The following HMCN2 variants were observed in gnomAD, a reference collection of about 807,000 sequenced individuals.
The protein encoded by HMCN2 is hemicentin-2.
In HMCN2, 325 loss-of-function variants were observed where a neutral mutation model predicts 377.5. That is an observed-to-expected ratio of 0.86 (90% CI 0.79 to 0.94). The LOEUF (loss-of-function observed/expected upper bound fraction) is 0.94, where lower values mean the gene tolerates loss of function less well. Among genes scored for constraint, HMCN2 ranks in the 40% least tolerant of loss-of-function variants. The pLI, the probability that HMCN2 is intolerant of heterozygous loss-of-function variation, is 0.00. For synonymous variants in HMCN2, 2,007 were observed against 2,046.8 expected (o/e 0.98, Z 0.53); for missense variants, 4,543 against 4,725.3 (o/e 0.96, Z 1.13).
In HMCN2 at chr9:130,425,892, TG is replaced by T. The variant is rs1417124194; in HGVS notation, c.13848del (p.Arg4617AlafsTer91). ...SSAFDPEAEA[L>X]RFQLATALQA... The stretch of plus-strand genomic sequence containing the variant: ...GCCTTTGATCCAGAGGCCGAGGCCC[TG>T]CGCTTCCAGCTCGCTACAGCCCTGC... On this transcript the variant is annotated frameshift_variant, in exon 90 of 98. Coordinates refer to ENST00000683500, the MANE Select transcript of HMCN2 (RefSeq NM_001291815.2). LOFTEE classifies it high-confidence loss of function. 8 of 1,549,478 alleles carry T rather than the reference TG, an allele frequency of 5.2e-6. No individual in the cohort carries two copies. In the Admixed American group the frequency reaches 1.6e-4, roughly 30 times the overall value.
rs538554042 is a variant in HMCN2, at chr9:130,421,181, C to T, written c.13232-1396C>T. ...GAAGACATCCAATTATGATACACATCGGTCCACAGCTTTTTGATTGGCTTC... is the reference window on the plus strand; with the variant it reads ...GAAGACATCCAATTATGATACACATTGGTCCACAGCTTTTTGATTGGCTTC... On this transcript the variant is annotated intron_variant, in intron 86 of 97. Coordinates refer to ENST00000683500, the MANE Select transcript of HMCN2 (RefSeq NM_001291815.2). 1.3e-4 allele frequency among the ~76,000 whole-genome samples: 20 copies of T among 152,304 alleles called. No individual in the cohort carries two copies. The East Asian group carries it at 1.4e-3, about 10-fold the overall frequency.
chr9:130,426,514 A>G (rs578152357), intron 90 of HMCN2, among the ~76,000 whole-genome samples: 6 of 152,190 alleles, frequency 3.9e-5, no homozygotes, highest in Non-Finnish European at 8.8e-5. Flanking sequence ...TCGGAGCTTC[A>G]GTGTTCCCAT....
intron 82 of HMCN2, 43 bp from the exon 83 acceptor site, chr9:130,407,527 AG>A: frequency 1.6e-6 from 2 of 1,282,876 alleles, no homozygotes; most frequent in Non-Finnish European, 2.0e-6. Context: ...GGAAGTGTTT[AG>A]GGCAGGAGTT....
In HMCN2 at chr9:130,376,643, G is replaced by A; in HGVS notation, c.8046G>A (p.Trp2682Ter). 1 of 985,842 alleles carries A rather than the reference G, an allele frequency of 1.0e-6. No individual in the cohort carries two copies. Among genetic ancestry groups the A allele is most frequent in the Non-Finnish European group, 1.2e-6 (1 of 829,996 alleles). The allele number at this position is 985,842 out of a possible 1,614,324, so 61.1% of individuals were successfully genotyped here. The change falls in exon 52 of 98, where the codon TGG becomes TGA. Residue 2682 changes from tryptophan to a stop codon, truncating the protein, a stop_gained. Coordinates refer to ENST00000683500, the MANE Select transcript of HMCN2 (RefSeq NM_001291815.2). LOFTEE classifies it high-confidence loss of function. ...CTGTGCCCCCGCCCACCATCCGCTG[G>A]TACAAGGATGGACAGGTGAGTTTGG... ...SWAVPPPTIR[W>*]YKDGQPVTPS...
rs970421904 is a variant in HMCN2 at position 130,428,948 on chromosome 9, A to G, written c.14197+459A>G. Among the ~76,000 whole-genome samples the G allele has an allele frequency of 4.6e-5, 7 of 152,182 alleles. No individual in the cohort carries two copies. The highest frequency in any genetic ancestry group is 2.9e-5 in the Non-Finnish European group (2 of 68,022). On this transcript the variant is annotated intron_variant, in intron 93 of 97. Transcript: ENST00000683500. This position sits in a 1 kb window ranked among gnomAD's most constrained non-coding sequence, Gnocchi z 5.0. ...TGCCACCCCTGGATGGGTGACCTCAATGGTCCTTCCTGCTCTAACAGTCTA... is the reference window on the plus strand; with the variant it reads ...TGCCACCCCTGGATGGGTGACCTCAGTGGTCCTTCCTGCTCTAACAGTCTA...
chr9:130,374,629 C>T lies in HMCN2; in HGVS notation c.7566C>T (p.His2522=), dbSNP rs1841276207. 1 of 985,818 alleles carries T rather than the reference C, an allele frequency of 1.0e-6. No homozygotes were observed. The highest frequency in any genetic ancestry group is 1.2e-6 in the Non-Finnish European group (1 of 829,940). 61.1% of individuals were successfully genotyped at this position (985,818 alleles called of 1,614,324 possible). Reference sequence around the variant, plus strand: ...AGGCAAACCTGTCCAGTGCTGGCCACTACTCCTGCATTGCAGCCAACGCTG... The same window carrying T: ...AGGCAAACCTGTCCAGTGCTGGCCATTACTCCTGCATTGCAGCCAACGCTG... ...VLQANLSSAG[H]YSCIAANAVG... Residue 2522 remains histidine (H), a synonymous_variant, in exon 49 of 98, where the codon CAC becomes CAT. Transcript: ENST00000683500.
intron 1 of HMCN2, among the ~76,000 whole-genome samples, chr9:130,274,169 C>T (rs1834551873): frequency 6.6e-6 from 1 of 151,862 alleles, no homozygotes; most frequent in African/African-American, 2.4e-5. Context: ...TCTCCTGTCT[C>T]AGCTTCCCAA....
intron 30 of HMCN2, among the ~76,000 whole-genome samples, chr9:130,352,724 C>T (rs1390474519): frequency 7.2e-5 from 11 of 151,942 alleles, no homozygotes; most frequent in Admixed American, 7.2e-4. Flanking sequence ...ACCTCCTGCA[C>T]CTTCCACACC....
intron 22 of HMCN2, among the ~76,000 whole-genome samples, chr9:130,337,482 G>A (rs1303568242): frequency 3.9e-5 from 6 of 152,152 alleles, no homozygotes; most frequent in Non-Finnish European, 8.8e-5. Flanking sequence ...GGTGTCAAGC[G>A]GTGGGCAGGT....
At chr9:130,411,482 C>A (rs1843403245) in intron 85 of HMCN2, among the ~76,000 whole-genome samples, 1 of 151,794 alleles carries the variant, frequency 6.6e-6, no homozygotes, top group Non-Finnish European at 1.5e-5. Flanking sequence ...CGCCTGTAAT[C>A]CCAGTCATTC....
rs1837329937 is a variant in HMCN2 at position 130,312,612 on chromosome 9, CTT to C, written c.2350+2553_2350+2554del. Reference sequence around the variant, plus strand: ...TCTTTCTTTCTTTCTTTCTTTCTTTCTTTCTCTGTCTCTCTCTTTCTTTCCCT... The same window carrying C: ...TCTTTCTTTCTTTCTTTCTTTCTTTCTCTCTGTCTCTCTCTTTCTTTCCCT... On this transcript the variant is annotated intron_variant, in intron 15 of 97. Coordinates refer to ENST00000683500, the MANE Select transcript of HMCN2 (RefSeq NM_001291815.2). Among the ~76,000 whole-genome samples the C allele has an allele frequency of 2.3e-4, 27 of 115,516 alleles. 1 individual carries two copies. The highest frequency in any genetic ancestry group is 3.4e-4 in the South Asian group (1 of 2,910). The allele number at this position is 115,516 out of a possible 152,430, so 75.8% of individuals were successfully genotyped here.
rs1012567200 is a variant in HMCN2, at chr9:130,433,699, A to G, written c.*6A>G. 1.4e-6 allele frequency: 2 copies of G among 1,465,354 alleles called. No homozygotes were observed. The highest frequency in any genetic ancestry group is 1.8e-6 in the Non-Finnish European group (2 of 1,112,452). The allele number at this position is 1,465,354 out of a possible 1,614,324, so 90.8% of individuals were successfully genotyped here. A position where few individuals can be genotyped will look rare whatever the true frequency, so the allele number is the denominator to read the frequency against. On this transcript the variant is annotated 3_prime_UTR_variant, in exon 98 of 98. Transcript: ENST00000683500. ...TGTCCCCCTACCCCTACTAAACGGGAGAGGGCATTGGCGGCCGCCCTGGCG... is the reference window on the plus strand; with the variant it reads ...TGTCCCCCTACCCCTACTAAACGGGGGAGGGCATTGGCGGCCGCCCTGGCG...
rs1480193799 is a variant in HMCN2, at chr9:130,405,954, G to T, written c.12340-1G>T. ...CGGCCAACCCCTTTCTTTGCTCACA[G>T]GGCCAGGACGCAGGCACCTATACCT... On this transcript the variant is annotated splice_acceptor_variant, in intron 81 of 97. Transcript: ENST00000683500. LOFTEE classifies it high-confidence loss of function. The T allele has an allele frequency of 7.8e-7, 1 of 1,282,936 alleles. No individual in the cohort carries two copies. Among genetic ancestry groups the T allele is most frequent in the Admixed American group, 2.3e-5 (1 of 43,378 alleles). 79.5% of individuals were successfully genotyped at this position (1,282,936 alleles called of 1,614,324 possible).
In HMCN2 at chr9:130,364,869, G is replaced by T. The variant is rs974087362; in HGVS notation, c.6388G>T (p.Ala2130Ser). 1.0e-6 allele frequency: 1 copy of T among 985,950 alleles called. No homozygotes were observed. Among genetic ancestry groups the T allele is most frequent in the Non-Finnish European group, 1.2e-6 (1 of 830,012 alleles). 61.1% of individuals were successfully genotyped at this position (985,950 alleles called of 1,614,324 possible). Residue 2130 changes from alanine (A) to serine (S), a missense_variant, in exon 41 of 98, where the codon GCA becomes TCA. Physicochemically the swap from Ala to Ser is moderately conservative, Grantham distance 99 (BLOSUM62 1). Transcript: ENST00000683500. ...ACCACGGCCTGGAGTCCACCTCTCCGCAGACAAAGCCTTGCTGCAGGTGTG... is the reference window on the plus strand; with the variant it reads ...ACCACGGCCTGGAGTCCACCTCTCCTCAGACAAAGCCTTGCTGCAGGTGTG... Reference protein sequence around the residue: ...LEPRPGVHLSADKALLQVDRA... With the variant: ...LEPRPGVHLSSDKALLQVDRA...
Position 130,419,018 on chromosome 9 carries a change from C to T in HMCN2, c.13208C>T (p.Ala4403Val). Reference protein sequence around the residue: ...VAHNLLGSATARAFLVVRGEP... With the variant: ...VAHNLLGSATVRAFLVVRGEP... ...CACAACCTCCTGGGCTCTGCCACAGCCCGGGCGTTCCTGGTCGTGAGAGGT... is the reference window on the plus strand; with the variant it reads ...CACAACCTCCTGGGCTCTGCCACAGTCCGGGCGTTCCTGGTCGTGAGAGGT... The change falls in exon 86 of 98, where the codon GCC becomes GTC. Residue 4403 changes from alanine (A) to valine (V), a missense_variant. This residue lies in a region of HMCN2 where 1,155 missense variants were observed against 1,157.7 expected (regional missense o/e 1.00). Coordinates refer to ENST00000683500, the MANE Select transcript of HMCN2 (RefSeq NM_001291815.2). 2 of 1,489,292 alleles carry T rather than the reference C, an allele frequency of 1.3e-6. No individual in the cohort carries two copies. Among genetic ancestry groups the T allele is most frequent in the East Asian group, 2.5e-5 (1 of 40,170 alleles). The allele number at this position is 1,489,292 out of a possible 1,614,324, so 92.3% of individuals were successfully genotyped here. A position where few individuals can be genotyped will look rare whatever the true frequency, so the allele number is the denominator to read the frequency against.
Position 130,410,898 on chromosome 9 carries a change from C to A in HMCN2, c.12961+246C>A, listed in dbSNP as rs896371302. Among the ~76,000 whole-genome samples the A allele has an allele frequency of 2.0e-5, 3 of 152,222 alleles. No homozygotes were observed. The East Asian group carries it at 5.8e-4, about 29-fold the overall frequency. The stretch of plus-strand genomic sequence containing the variant: ...CTGGGCATTTAAAACTCAGACCAGC[C>A]GTCAAGATCACCGCGACAGCTCTCG... On this transcript the variant is annotated intron_variant, in intron 85 of 97. Coordinates refer to ENST00000683500, the MANE Select transcript of HMCN2 (RefSeq NM_001291815.2).
chr9:130,298,215 A>T (rs1836273758), intron 7 of HMCN2, among the ~76,000 whole-genome samples: 1 of 152,088 alleles, frequency 6.6e-6, no homozygotes, highest in South Asian at 2.1e-4. Flanking sequence ...CAGCCTCCCA[A>T]AGTGCTGGGA....
intron 45 of HMCN2, among the ~76,000 whole-genome samples, chr9:130,370,656 C>T (rs1220589416): frequency 3.3e-5 from 5 of 152,236 alleles, no homozygotes; most frequent in African/African-American, 9.6e-5. Flanking sequence ...ACTGGCTCAG[C>T]GCTTGCTCTG....
chr9:130,301,576 T>C (rs1588202664), intron 8 of HMCN2, among the ~76,000 whole-genome samples: 2 of 152,084 alleles, frequency 1.3e-5, no homozygotes, highest in African/African-American at 4.8e-5. Flanking sequence ...GCTCCCAGGG[T>C]GCGTGGGTGA....
Sources: allele counts gnomAD v4.1 joint callset (sites outside exome capture counted in the v4.1 genomes callset), GRCh38; gene constraint gnomAD v4.1.1; regional missense constraint gnomAD v4.1.1; non-coding constraint Gnocchi (gnomAD v3.1); transcripts MANE v1.5; gene names NCBI Gene and HGNC (gene_info 2026-07-23, HGNC 2026-07-21).